The following ERCC6 variants were observed in gnomAD, a reference collection of about 807,000 sequenced individuals.
ERCC6 encodes ERCC excision repair 6, chromatin remodeling factor.
In ERCC6, 116 loss-of-function variants were observed where a neutral mutation model predicts 158.7. The ratio of observed to expected loss-of-function variants is 0.73; its 90% confidence interval spans 0.63 to 0.85. The LOEUF (loss-of-function observed/expected upper bound fraction) is 0.85. Ranked by LOEUF, ERCC6 falls within the 40% of genes least tolerant of loss-of-function variation. The pLI is 0.00. For missense variants in ERCC6, 1,698 were observed against 1,799.4 expected (o/e 0.94, Z 1.02); for synonymous variants, 678 against 659.3 (o/e 1.03, Z -0.43).
chr10:49,516,397 C>A, intron 5 of ERCC6: 1 of 1,614,160 alleles, frequency 6.2e-7, no homozygotes, highest in Non-Finnish European at 8.5e-7. Context: ...AATTTGTCCA[C>A]TGGATCCAAA....
chr10:49,444,460 G>A, the ERCC6 span, among the ~76,000 whole-genome samples: 1 of 152,208 alleles, frequency 6.6e-6, no homozygotes, highest in Non-Finnish European at 1.5e-5. Context: ...GGAGGCAAAA[G>A]GAGATGGGGA....
intron 10 of ERCC6, among the ~76,000 whole-genome samples, chr10:49,479,228 A>G (rs766836707): frequency 2.0e-5 from 3 of 152,224 alleles, no homozygotes; most frequent in Non-Finnish European, 4.4e-5. Flanking sequence ...CAACTTAGTA[A>G]ATTACTATTT....
chr10:49,496,930 GA>G (rs1851276681), intron 7 of ERCC6, among the ~76,000 whole-genome samples: 1 of 152,128 alleles, frequency 6.6e-6, no homozygotes. Flanking sequence ...TAGTTCTATA[GA>G]AAAACAATGA....
At chr10:49,466,720 A>G (rs181714169) in intron 18 of ERCC6, among the ~76,000 whole-genome samples, 174 of 152,324 alleles carry the variant, frequency 1.1e-3, no homozygotes, top group Non-Finnish European at 1.9e-3. Context: ...GTATGTACTA[A>G]TCTTACTAGT....
At chr10:49,478,554 TAAAA>T in intron 10 of ERCC6, 84 bp from the exon 11 acceptor site, 2 of 698,368 alleles carry the variant, frequency 2.9e-6, no homozygotes, top group Non-Finnish European at 2.5e-6. Context: ...TTCCATTCCT[TAAAA>T]AAAAAAAAAG....
intron 5 of ERCC6, chr10:49,515,316 G>A (rs371982149): frequency 1.3e-5 from 20 of 1,590,120 alleles, no homozygotes; most frequent in Non-Finnish European, 1.7e-5. Context: ...TCTTATCTCA[G>A]GAGGTGGTGA....
At chr10:49,526,127 A>T (rs796529928) in intron 4 of ERCC6, among the ~76,000 whole-genome samples, 13 of 14,428 alleles carry the variant, frequency 9.0e-4, no homozygotes, top group Admixed American at 2.7e-3. Flanking sequence ...TTATATATAT[A>T]TATATATATA....
chr10:49,454,166 T>C (rs1850451576), downstream of ERCC6, among the ~76,000 whole-genome samples: 1 of 152,160 alleles, frequency 6.6e-6, no homozygotes, highest in Admixed American at 6.5e-5. Context: ...TTGGAAAGCA[T>C]ATCTCTCTTA....
At chr10:49,496,129 C>A (rs964644359) in intron 7 of ERCC6, among the ~76,000 whole-genome samples, 9 of 152,204 alleles carry the variant, frequency 5.9e-5, no homozygotes, top group African/African-American at 2.2e-4. Flanking sequence ...TGGTTACCCT[C>A]TTACCCCTCC....
intron 5 of ERCC6, among the ~76,000 whole-genome samples, chr10:49,508,054 C>T (rs4253088): frequency 3.7e-4 from 56 of 152,210 alleles, no homozygotes; most frequent in African/African-American, 1.2e-3. Flanking sequence ...AGAGAGTCCT[C>T]GGTATCAAAA....
chr10:49,474,005 C>A, intron 13 of ERCC6, 22 bp downstream of exon 13: 1 of 1,605,878 alleles, frequency 6.2e-7, no homozygotes, highest in Non-Finnish European at 8.5e-7. Context: ...GCCTGTTTCC[C>A]GTCTGAAGTC....
intron 10 of ERCC6, among the ~76,000 whole-genome samples, chr10:49,481,229 T>C (rs544725788): frequency 1.3e-5 from 2 of 152,344 alleles, no homozygotes; most frequent in African/African-American, 4.8e-5. Context: ...TGCAAAATGC[T>C]AACAATCAGT....
intron 18 of ERCC6, among the ~76,000 whole-genome samples, chr10:49,467,061 G>A (rs1246114056): frequency 6.6e-6 from 1 of 152,170 alleles, no homozygotes; most frequent in Non-Finnish European, 1.5e-5. Flanking sequence ...GATTACAGGC[G>A]TGAGCCAAGC....
chr10:49,498,764 A>G (rs1246458302), intron 7 of ERCC6, among the ~76,000 whole-genome samples: 1 of 152,172 alleles, frequency 6.6e-6, no homozygotes, highest in African/African-American at 2.4e-5. Flanking sequence ...TAATTTTTAG[A>G]TCAAAACTAC....
At chr10:49,477,026 G>A (rs1850890764) in intron 11 of ERCC6, among the ~76,000 whole-genome samples, 1 of 152,024 alleles carries the variant, frequency 6.6e-6, no homozygotes, top group East Asian at 1.9e-4. Flanking sequence ...GCTCATACAT[G>A]GCAGCATCCT....
intron 1 of ERCC6, among the ~76,000 whole-genome samples, chr10:49,538,745 A>T (rs1837664361): frequency 6.6e-6 from 1 of 152,214 alleles, no homozygotes; most frequent in South Asian, 2.1e-4. Flanking sequence ...CAGGGACTCA[A>T]GCCGCCTCAG....
At chr10:49,443,514 T>C in the ERCC6 span, among the ~76,000 whole-genome samples, 4 of 152,220 alleles carry the variant, frequency 2.6e-5, no homozygotes, top group Non-Finnish European at 4.4e-5. Context: ...TGTGTTTATC[T>C]TGATGCTGTT....
At position 49,473,442 on chromosome 10, in the gene ERCC6, C is replaced by G. The variant is rs201281422; in HGVS notation, c.2709+35G>C. ...AGTCCTTTCCCTCCACGTACAGCAG[C>G]ACCACTCAACTTCCCTGTTACATTC... is the stretch of plus-strand genomic sequence containing the variant. On this transcript the variant is annotated intron_variant, in intron 14 of 20. Transcript: ENST00000355832. 4.9e-5 allele frequency: 64 copies of G among 1,305,740 alleles called. No individual in the cohort carries two copies. The African/African-American group carries it at 7.5e-4, about 15-fold the overall frequency. The allele number at this position is 1,305,740 out of a possible 1,614,324, so 80.9% of individuals were successfully genotyped here.
chr10:49,537,500 T>TAC (rs1234237442), intron 1 of ERCC6, among the ~76,000 whole-genome samples: 7 of 133,002 alleles, frequency 5.3e-5, no homozygotes, highest in African/African-American at 2.0e-4. Flanking sequence ...TATATATATA[T>TAC]ATACACATAC....
Sources: gnomAD v4.1 joint callset for allele counts (sites outside exome capture counted in the v4.1 genomes callset) on GRCh38, gnomAD v4.1.1 for gene constraint, MANE v1.5 for transcripts, NCBI Gene and HGNC (gene_info 2026-07-23, HGNC 2026-07-21) for gene names.